The following SRGAP2 variants were observed in gnomAD, a reference collection of about 807,000 sequenced individuals.
The protein encoded by SRGAP2 is SLIT-ROBO Rho GTPase activating protein 2.
Under a neutral mutation model 57.2 loss-of-function variants are expected in SRGAP2, and 15 were observed. The ratio of observed to expected loss-of-function variants is 0.26; its 90% CI spans 0.18 to 0.40. The LOEUF (loss-of-function observed/expected upper bound fraction) is 0.40, where lower values mean the gene tolerates loss of function less well. Ranked by LOEUF, SRGAP2 falls within the 10% of genes least tolerant of loss-of-function variation. The probability of loss-of-function intolerance (pLI) is 1.00; values close to 1 mark genes in which losing one functional copy is unlikely to be tolerated. For synonymous variants in SRGAP2, 249 were observed against 248.0 expected (o/e 1.00, Z -0.04); for missense variants, 520 against 669.6 (o/e 0.78, Z 2.47).
At chr1:206,437,541 T>G (rs1661882253) in intron 15 of SRGAP2, 1 of 185,342 alleles carries the variant, frequency 5.4e-6, no homozygotes, top group African/African-American at 2.4e-5. Flanking sequence ...CTGGCATGAT[T>G]GTTCTGTAAG....
chr1:206,389,982 G>A (rs1656771065), intron 5 of SRGAP2, among the ~76,000 whole-genome samples: 1 of 150,514 alleles, frequency 6.6e-6, no homozygotes, highest in African/African-American at 2.4e-5. Flanking sequence ...ATATGTATAT[G>A]TACATAGATA....
chr1:206,452,742 T>G (rs1310732307), intron 19 of SRGAP2, among the ~76,000 whole-genome samples: 1 of 151,762 alleles, frequency 6.6e-6, no homozygotes, highest in Non-Finnish European at 1.5e-5. Context: ...AAAAATTAGC[T>G]GGGCGTGGTG....
chr1:206,354,787 C>T (rs1219296425), intron 4 of SRGAP2, among the ~76,000 whole-genome samples: 2 of 147,644 alleles, frequency 1.4e-5, no homozygotes, highest in South Asian at 2.3e-4. Flanking sequence ...CTCCCTCCCC[C>T]CCTTCCTTCT....
At chr1:206,337,071 G>T (rs1329190167) in intron 3 of SRGAP2, among the ~76,000 whole-genome samples, 1 of 143,366 alleles carries the variant, frequency 7.0e-6, no homozygotes, top group Non-Finnish European at 1.5e-5. Context: ...ATGCAGATTG[G>T]CGGGTTTGAT....
chr1:206,339,080 T>C (rs1313545008), intron 3 of SRGAP2, among the ~76,000 whole-genome samples: 1 of 151,862 alleles, frequency 6.6e-6, no homozygotes, highest in African/African-American at 2.4e-5. Flanking sequence ...GATAAGTTAT[T>C]GTAATCTTGA....
chr1:206,282,113 C>T (rs1384346109), intron 2 of SRGAP2, among the ~76,000 whole-genome samples: 1 of 77,168 alleles, frequency 1.3e-5, no homozygotes, highest in Non-Finnish European at 2.4e-5. Context: ...GGCTGATTCA[C>T]TTTTGTCAGC....
intron 2 of SRGAP2, among the ~76,000 whole-genome samples, chr1:206,286,758 T>A (rs1293100172): frequency 6.6e-6 from 1 of 150,392 alleles, no homozygotes; most frequent in Non-Finnish European, 1.5e-5. Context: ...TGTGGGGAAG[T>A]ATGCTTCCAG....
intron 11 of SRGAP2, among the ~76,000 whole-genome samples, chr1:206,417,866 T>C (rs145566154): frequency 7.0e-4 from 107 of 151,944 alleles, no homozygotes; most frequent in Non-Finnish European, 1.2e-3. Context: ...ATCTTTACTC[T>C]TGGGTTATCA....
In SRGAP2 at chr1:206,461,593, C is replaced by CACCGAGA; in HGVS notation, c.*173_*174insACCGAGA. On this transcript the variant is annotated 3_prime_UTR_variant, in exon 23 of 23. Transcript: ENST00000573034. ...TTGAGAATGAAGCCCTTGGTATCGC[C>CACCGAGA]TCTCCCTTCCCACTGCCCTCTGCTT... 1.6e-6 allele frequency: 1 copy of CACCGAGA among 611,538 alleles called. No individual in the cohort carries two copies. The highest frequency in any genetic ancestry group is 2.1e-5 in the South Asian group (1 of 47,504). 37.9% of individuals were successfully genotyped at this position (611,538 alleles called of 1,614,324 possible).
chr1:206,313,836 T>A (rs1672850790), intron 3 of SRGAP2, among the ~76,000 whole-genome samples: 1 of 151,014 alleles, frequency 6.6e-6, no homozygotes, highest in Non-Finnish European at 1.5e-5. Context: ...TATCCTTCTG[T>A]CCATTTAGCA....
intron 2 of SRGAP2, among the ~76,000 whole-genome samples, chr1:206,257,659 T>G (rs1553312710): frequency 2.3e-5 from 3 of 131,310 alleles, no homozygotes; most frequent in South Asian, 5.6e-4. Context: ...AGGGGGTGAG[T>G]GAATAAGACA....
chr1:206,424,272 A>G (rs1488244285), intron 13 of SRGAP2, among the ~76,000 whole-genome samples: 17 of 152,210 alleles, frequency 1.1e-4, no homozygotes, highest in Non-Finnish European at 2.1e-4. Context: ...CAAAAAATAA[A>G]AAAGTGTATG....
intron 2 of SRGAP2, among the ~76,000 whole-genome samples, chr1:206,268,127 G>C (rs1192743148): frequency 1.7e-4 from 26 of 150,262 alleles, no homozygotes; most frequent in Admixed American, 9.3e-4. Flanking sequence ...GAGTACATAT[G>C]CACAATGTGC....
At chr1:206,421,214 G>T in intron 12 of SRGAP2, 36 bp from the exon 13 acceptor site, 1 of 773,966 alleles carries the variant, frequency 1.3e-6, no homozygotes, top group South Asian at 1.4e-5. Context: ...CTTGTTGCTG[G>T]ATTGGTCCAA....
intron 2 of SRGAP2, among the ~76,000 whole-genome samples, chr1:206,210,403 C>CTTTTTTTTTTTT (rs71568077): frequency 6.3e-5 from 2 of 31,802 alleles, no homozygotes; most frequent in Non-Finnish European, 1.2e-4. Flanking sequence ...GGGGTCTTGT[C>CTTTTTTTTTTTT]TTTTTTTTTT....
chr1:206,361,446 C>T (rs1217293349), intron 4 of SRGAP2, among the ~76,000 whole-genome samples: 6 of 152,206 alleles, frequency 3.9e-5, no homozygotes, highest in Non-Finnish European at 5.9e-5. Flanking sequence ...AAGCATACTT[C>T]TTGCCCACTT....
intron 2 of SRGAP2, among the ~76,000 whole-genome samples, chr1:206,241,013 A>G (rs1425144184): frequency 6.6e-6 from 1 of 152,180 alleles, no homozygotes; most frequent in Non-Finnish European, 1.5e-5. Flanking sequence ...AGGAGACCCC[A>G]TCTCTACAGA....
chr1:206,425,879 T>G (rs1460803042), intron 13 of SRGAP2, among the ~76,000 whole-genome samples: 13 of 144,250 alleles, frequency 9.0e-5, no homozygotes, highest in African/African-American at 3.2e-4. Flanking sequence ...GGAGTTTCAC[T>G]CTTGTCGCCC....
chr1:206,378,670 T>A (rs1553345835), intron 4 of SRGAP2, among the ~76,000 whole-genome samples: 1 of 152,114 alleles, frequency 6.6e-6, no homozygotes, highest in Non-Finnish European at 1.5e-5. Flanking sequence ...CAATCAGCGC[T>A]CTGTGTCTAG....
Sources: allele counts gnomAD v4.1 joint callset (sites outside exome capture counted in the v4.1 genomes callset), GRCh38; gene constraint gnomAD v4.1.1; transcripts MANE v1.5; gene names NCBI Gene and HGNC (gene_info 2026-07-23, HGNC 2026-07-21).